Variants in CD80 observed in about 807,000 individuals in gnomAD.
CD80 encodes the protein CD80 molecule, also known as T-lymphocyte activation antigen CD80.
A neutral mutation model predicts 27.1 loss-of-function variants in CD80; 13 were observed. That is an observed-to-expected ratio of 0.48 (90% CI 0.31 to 0.76). The LOEUF is 0.76. CD80 is among the 30% of genes least tolerant of loss of function. The pLI is 0.04. For missense variants in CD80, 277 were observed against 347.9 expected, an observed-to-expected ratio of 0.80 and a Z score of 1.62; for synonymous variants, 125 against 125.5, an observed-to-expected ratio of 1.00 and a Z score of 0.03.
intron 3 of CD80, among the ~76,000 whole-genome samples, chr3:119,539,911 C>A (rs1175218881): frequency 6.6e-6 from 1 of 152,156 alleles, no homozygotes; most frequent in South Asian, 2.1e-4. Context: ...CACTAATACC[C>A]AGGGTTGTAA....
At chr3:119,558,021 G>C (rs2082273620) in intron 1 of CD80, 93 bp from the exon 2 acceptor site, 1 of 226,088 alleles carries the variant, frequency 4.4e-6, no homozygotes. Context: ...ATTAATTGGA[G>C]AGCTTAACCT....
At chr3:119,550,779 C>G (rs895768366) in intron 2 of CD80, among the ~76,000 whole-genome samples, 2 of 152,136 alleles carry the variant, frequency 1.3e-5, no homozygotes, top group African/African-American at 2.4e-5. Flanking sequence ...AGATACTGCT[C>G]ATAAAAGTCC....
At chr3:119,543,740 C>A (rs1232655196) in intron 3 of CD80, among the ~76,000 whole-genome samples, 1 of 152,024 alleles carries the variant, frequency 6.6e-6, no homozygotes, top group Non-Finnish European at 1.5e-5. Flanking sequence ...TCTCTAACAT[C>A]TAATTTTTCA....
In CD80 at chr3:119,555,344, T is replaced by C. The variant is rs1253172739; in HGVS notation, c.100+2285A>G. ...ATTTGGGCAAATTTATAATGACTTA[T>C]ATCTATCATTACAGTATTATGCAAA... On this transcript the variant is annotated intron_variant, in intron 2 of 6. Coordinates refer to ENST00000264246, the MANE Select transcript of CD80 (RefSeq NM_005191.4). Among the ~76,000 whole-genome samples the C allele has an allele frequency of 1.8e-4, 28 of 152,364 alleles. 1 individual carries two copies. Among genetic ancestry groups the C allele is most frequent in the Non-Finnish European group, 4.4e-5 (3 of 68,042 alleles).
intron 6 of CD80, among the ~76,000 whole-genome samples, chr3:119,526,676 G>T (rs1467302525): frequency 2.6e-5 from 4 of 152,186 alleles, no homozygotes; most frequent in African/African-American, 9.7e-5. Context: ...CTTGCTCATA[G>T]AGATTTTTAT....
intron 2 of CD80, 28 bp from the exon 3 acceptor site, chr3:119,544,895 G>T: frequency 6.3e-7 from 1 of 1,575,962 alleles, no homozygotes; most frequent in Non-Finnish European, 8.7e-7. Flanking sequence ...GAACAAGATT[G>T]TATATTTATT....
intron 4 of CD80, among the ~76,000 whole-genome samples, chr3:119,531,609 C>T (rs1002317491): frequency 1.3e-5 from 2 of 152,062 alleles, no homozygotes; most frequent in Non-Finnish European, 2.9e-5. Context: ...AGTCCAAGAT[C>T]CCTGTTTTTA....
In CD80 at chr3:119,537,399, A is replaced by C. The variant is rs150513658; in HGVS notation, c.438T>G (p.Ser146Arg). ...AAGTTGGAATTTCAAAGTCAGATAT[A>C]CTAGGTGTAGGGAAGTCAGCTAAAG... ...LSVKADFPTP[S>R]ISDFEIPTSN... Residue 146 changes from serine to arginine, a missense_variant, in exon 4 of 7, where the codon AGT (serine) becomes AGG (arginine). Transcript: ENST00000264246. The C allele has an allele frequency of 1.1e-4, 176 of 1,608,472 alleles. 1 individual carries two copies. Among genetic ancestry groups the C allele is most frequent in the Non-Finnish European group, 1.4e-4 (165 of 1,175,060 alleles).
chr3:119,536,314 T>A (rs183692358), intron 4 of CD80, among the ~76,000 whole-genome samples: 33 of 152,144 alleles, frequency 2.2e-4, no homozygotes, highest in Admixed American at 1.9e-3. Flanking sequence ...ACAGTGACTT[T>A]ATTTTTTAAA....
chr3:119,530,111 C>A (rs1426250935), intron 4 of CD80, among the ~76,000 whole-genome samples, 174 bp from the exon 5 acceptor site: 1 of 152,080 alleles, frequency 6.6e-6, no homozygotes, highest in African/African-American at 2.4e-5. Context: ...TACTTGTGGG[C>A]AACTAATAGT....
At chr3:119,537,675 G>A (rs564161395) in intron 3 of CD80, among the ~76,000 whole-genome samples, 21 of 152,134 alleles carry the variant, frequency 1.4e-4, no homozygotes, top group East Asian at 3.9e-4. Flanking sequence ...GGTGGCAGGC[G>A]CCTATAATCC....
At chr3:119,558,042 T>G (rs2082273685) in intron 1 of CD80, 114 bp from the exon 2 acceptor site, 1 of 191,062 alleles carries the variant, frequency 5.2e-6, no homozygotes, top group Non-Finnish European at 1.1e-5. Flanking sequence ...AAGCAACCTC[T>G]AAAGCAGGGC....
intron 2 of CD80, among the ~76,000 whole-genome samples, chr3:119,556,121 A>C (rs2082263551): frequency 6.6e-6 from 1 of 152,130 alleles, no homozygotes; most frequent in South Asian, 2.1e-4. Context: ...CCTAGCCTCA[A>C]CTTTTATGGC....
rs2082143742 is a variant in CD80, at chr3:119,537,163, A to G, written c.674T>C (p.Val225Ala). The G allele has an allele frequency of 6.2e-7, 1 of 1,613,660 alleles. No homozygotes were observed. The highest frequency in any genetic ancestry group is 1.7e-5 in the Admixed American group (1 of 60,024). The change falls in exon 4 of 7, where the codon GTG becomes GCG. Residue 225 changes from valine (V) to alanine (A), a missense_variant. Transcript: ENST00000264246. ...TGTATTCCAGTTGAAGGTCTGATTC[A>G]CTCTTAAATGTCCATACTTGATGAG... ...MCLIKYGHLR[V>A]NQTFNWNTTK...
At chr3:119,541,625 A>C (rs1284321972) in intron 3 of CD80, among the ~76,000 whole-genome samples, 1 of 152,240 alleles carries the variant, frequency 6.6e-6, no homozygotes, top group African/African-American at 2.4e-5. Flanking sequence ...GAGGTGCAGA[A>C]TCTCAGATCC....
At chr3:119,535,538 A>G (rs2049502) in intron 4 of CD80, among the ~76,000 whole-genome samples, 23,970 of 152,126 alleles carry the variant, frequency 0.16, 2,022 homozygotes, top group East Asian at 0.33. Flanking sequence ...ATCTTAAGCC[A>G]TTATAGGCCT....
chr3:119,531,459 G>C (rs1201248694), intron 4 of CD80, among the ~76,000 whole-genome samples: 1 of 152,174 alleles, frequency 6.6e-6, no homozygotes, highest in Non-Finnish European at 1.5e-5. Flanking sequence ...TCTTTCCATA[G>C]TAGGATTTGC....
At position 119,557,830 on chromosome 3, in the gene CD80, A is replaced by C; in HGVS notation, c.-102T>G. On this transcript the variant is annotated 5_prime_UTR_variant, in exon 2 of 7. The change creates a new upstream start codon in the 5' untranslated region. Coordinates refer to ENST00000264246, the MANE Select transcript of CD80 (RefSeq NM_005191.4). ...AAACAGGCAGGGCTGATGACAATCCAATTGCTCACGTAGAAGACCCTCCAG... is the reference window on the plus strand; with the variant it reads ...AAACAGGCAGGGCTGATGACAATCCCATTGCTCACGTAGAAGACCCTCCAG... 1.6e-6 allele frequency: 1 copy of C among 637,654 alleles called. No individual in the cohort carries two copies. The highest frequency in any genetic ancestry group is 2.7e-6 in the Non-Finnish European group (1 of 372,238). 39.5% of individuals were successfully genotyped at this position (637,654 alleles called of 1,614,324 possible).
At position 119,557,635 on chromosome 3, in the gene CD80, A is replaced by T. The variant is rs1159490683; in HGVS notation, c.94T>A (p.Cys32Ser). 1 of 1,612,712 alleles carries T rather than the reference A, an allele frequency of 6.2e-7. No homozygotes were observed. The highest frequency in any genetic ancestry group is 8.5e-7 in the Non-Finnish European group (1 of 1,179,148). Residue 32 changes from cysteine to serine, a missense_variant, in exon 2 of 7, where the codon TGT becomes AGT. By Grantham distance (112) the Cys-to-Ser change is moderately radical (BLOSUM62 -1). Coordinates refer to ENST00000264246, the MANE Select transcript of CD80 (RefSeq NM_005191.4). ...GTTCCTGAAAGTTGCTTACCTGAAC[A>T]GAAGTGAGAAAGACCAGCCAGCACC... ...LLVLAGLSHFCSGVIHVTKEV... is the reference protein window; with the variant it reads ...LLVLAGLSHFSSGVIHVTKEV...
Sources: allele counts gnomAD v4.1 joint callset (sites outside exome capture counted in the v4.1 genomes callset), GRCh38; gene constraint gnomAD v4.1.1; transcripts MANE v1.5; gene names NCBI Gene and HGNC (gene_info 2026-07-23, HGNC 2026-07-21).